RBFOX1: variants seen among roughly 807,000 people sequenced by gnomAD.
RBFOX1 encodes the protein RNA binding fox-1 homolog 1.
RBFOX1 carries 8 observed loss-of-function variants against 57.7 expected under a neutral mutation model. The observed-to-expected ratio is 0.14, with a 90% CI of 0.08 to 0.25. The LOEUF (loss-of-function observed/expected upper bound fraction) is 0.25. Among genes scored for constraint, RBFOX1 ranks in the 10% least tolerant of loss-of-function variants. The pLI, the probability that RBFOX1 is intolerant of heterozygous loss-of-function variation, is 1.00. For synonymous variants in RBFOX1, 326 were observed against 222.4 expected, an observed-to-expected ratio of 1.47 and a Z score of -4.15; for missense variants, 611 against 548.5, an observed-to-expected ratio of 1.11 and a Z score of -1.14.
chr16:5,916,570 G>T (rs562086080), intron 4 of RBFOX1, among the ~76,000 whole-genome samples: 1 of 152,070 alleles, frequency 6.6e-6, no homozygotes, highest in Non-Finnish European at 1.5e-5. Context: ...ATAATTAGGA[G>T]GTGCTGGGTC....
At chr16:7,083,693 C>T (rs770617158) in intron 4 of RBFOX1, among the ~76,000 whole-genome samples, 1 of 152,190 alleles carries the variant, frequency 6.6e-6, no homozygotes, top group Non-Finnish European at 1.5e-5. Context: ...AAAATGTTCA[C>T]TTTCAGCTAT....
intron 2 of RBFOX1, among the ~76,000 whole-genome samples, chr16:5,544,039 A>T (rs1332676045): frequency 6.6e-6 from 1 of 152,206 alleles, no homozygotes; most frequent in Admixed American, 6.5e-5. Context: ...TGTGCAAATG[A>T]CCTGAACAAT....
intron 1 of RBFOX1, among the ~76,000 whole-genome samples, chr16:5,341,948 AAG>A (rs2065042019): frequency 6.6e-6 from 1 of 152,194 alleles, no homozygotes; most frequent in Non-Finnish European, 1.5e-5. Context: ...TACATTCTGA[AAG>A]AGGTGAGATT....
intron 4 of RBFOX1, among the ~76,000 whole-genome samples, chr16:7,171,130 C>T (rs1369471312): frequency 6.6e-6 from 1 of 152,220 alleles, no homozygotes; most frequent in African/African-American, 2.4e-5. Context: ...GTCTTGGGCA[C>T]TCTCAAGGCC....
chr16:6,714,869 GA>G (rs200645814), intron 3 of RBFOX1, among the ~76,000 whole-genome samples: 1 of 152,076 alleles, frequency 6.6e-6, no homozygotes, highest in Non-Finnish European at 1.5e-5. Context: ...TTGGGAGGCA[GA>G]AAAAAGTCTC....
Position 7,137,454 on chromosome 16 carries a change from C to G in RBFOX1, c.27+85356C>G, listed in dbSNP as rs377643237. Among the ~76,000 whole-genome samples the G allele has an allele frequency of 8.5e-5, 13 of 152,248 alleles. No individual in the cohort carries two copies. The East Asian group carries it at 1.9e-3, about 23-fold the overall frequency. ...CTGATGGTTTTATAAGGGGAAACCC[C>G]TTCACTTGGTTGTCATTCTCTCTCT... On this transcript the variant is annotated intron_variant, in intron 4 of 15. Coordinates refer to ENST00000550418, the MANE Select transcript of RBFOX1 (RefSeq NM_018723.4).
intron 3 of RBFOX1, among the ~76,000 whole-genome samples, chr16:6,826,855 G>C (rs765011911): frequency 3.3e-5 from 5 of 152,062 alleles, no homozygotes; most frequent in Non-Finnish European, 5.9e-5. Context: ...ATCCTCAAAC[G>C]CAGTTGGATG....
intron 3 of RBFOX1, among the ~76,000 whole-genome samples, chr16:5,633,009 G>A (rs2151308730): frequency 7.0e-6 from 1 of 142,902 alleles, no homozygotes; most frequent in East Asian, 2.0e-4. Flanking sequence ...TATGATCTCA[G>A]CTCACTGCAT....
At chr16:6,195,316 A>G (rs1011690500) in intron 1 of RBFOX1, among the ~76,000 whole-genome samples, 5 of 152,182 alleles carry the variant, frequency 3.3e-5, no homozygotes, top group Admixed American at 3.3e-4. Context: ...TTAACTCTTG[A>G]CTTTTGTTGC....
chr16:5,695,288 T>C (rs1230973923), intron 3 of RBFOX1, among the ~76,000 whole-genome samples: 4 of 152,186 alleles, frequency 2.6e-5, no homozygotes, highest in East Asian at 3.9e-4. Context: ...GTACTCATCA[T>C]CCAACTCAAT....
intron 3 of RBFOX1, among the ~76,000 whole-genome samples, chr16:7,025,261 C>G (rs2040544098): frequency 6.6e-6 from 1 of 152,054 alleles, no homozygotes; most frequent in Non-Finnish European, 1.5e-5. Flanking sequence ...TGTGATGTTG[C>G]CATGGTGTTT....
At chr16:6,946,511 C>G (rs376320163) in intron 3 of RBFOX1, among the ~76,000 whole-genome samples, 17 of 152,298 alleles carry the variant, frequency 1.1e-4, no homozygotes, top group South Asian at 2.1e-4. Flanking sequence ...TGTTTTACAT[C>G]TCCCATCCCT....
intron 1 of RBFOX1, among the ~76,000 whole-genome samples, chr16:5,317,962 G>A (rs1198847703): frequency 6.6e-6 from 1 of 152,086 alleles, no homozygotes; most frequent in East Asian, 1.9e-4. Flanking sequence ...GGTAACCTCT[G>A]TTCTACTTTC....
At chr16:5,516,470 T>G (rs779780556) in intron 2 of RBFOX1, among the ~76,000 whole-genome samples, 1 of 152,252 alleles carries the variant, frequency 6.6e-6, no homozygotes, top group Non-Finnish European at 1.5e-5. Context: ...AAGTCTTGGT[T>G]TCTGTATTGT....
At chr16:7,086,204 G>A (rs1423469176) in intron 4 of RBFOX1, among the ~76,000 whole-genome samples, 1 of 152,062 alleles carries the variant, frequency 6.6e-6, no homozygotes, top group South Asian at 2.1e-4. Flanking sequence ...TTTACCTAAT[G>A]CTTTTTAATT....
In RBFOX1 at chr16:5,909,541, C is replaced by T. The variant is rs144584669; in HGVS notation, c.351+42206C>T. On this transcript the variant is annotated intron_variant, in intron 4 of 19. Coordinates refer to the RBFOX1 transcript ENST00000641259. ...TCAACTTTGACAGGTGCAGGAGGCACGGTTTATAGACCACAGCAACAGTTG... is the reference window on the plus strand; with the variant it reads ...TCAACTTTGACAGGTGCAGGAGGCATGGTTTATAGACCACAGCAACAGTTG... Among the ~76,000 whole-genome samples, 265 of 152,322 alleles carry T rather than the reference C, an allele frequency of 1.7e-3. 1 individual carries two copies. The highest frequency in any genetic ancestry group is 6.0e-3 in the African/African-American group (251 of 41,576).
chr16:6,548,384 G>A (rs2096924477), intron 2 of RBFOX1, among the ~76,000 whole-genome samples: 1 of 152,230 alleles, frequency 6.6e-6, no homozygotes, highest in South Asian at 2.1e-4. Flanking sequence ...ATTGTTGGGG[G>A]GTATGTAGTG....
At chr16:7,469,976 C>G (rs904624453) in intron 4 of RBFOX1, among the ~76,000 whole-genome samples, 3 of 150,296 alleles carry the variant, frequency 2.0e-5, no homozygotes, top group African/African-American at 7.3e-5. Context: ...ATAACGTCTT[C>G]AAGGTACATT....
intron 3 of RBFOX1, among the ~76,000 whole-genome samples, chr16:6,914,016 G>T (rs1337889477): frequency 6.6e-6 from 1 of 152,158 alleles, no homozygotes; most frequent in Non-Finnish European, 1.5e-5. Flanking sequence ...ACTTGACGTA[G>T]CCAGAAACAT....
Sources: gnomAD v4.1 joint callset for allele counts (sites outside exome capture counted in the v4.1 genomes callset) on GRCh38, gnomAD v4.1.1 for gene constraint, MANE v1.5 for transcripts, NCBI Gene and HGNC (gene_info 2026-07-23, HGNC 2026-07-21) for gene names.